Variants in SLC27A6 observed in about 807,000 individuals in gnomAD.
SLC27A6 encodes long-chain fatty acid transport protein 6.
In SLC27A6, 74 loss-of-function variants were observed where a neutral mutation model predicts 63.9. The ratio of observed to expected loss-of-function variants is 1.16; its 90% CI spans 0.96 to 1.40. SLC27A6 has a LOEUF of 1.40. Among genes scored for constraint, SLC27A6 ranks in the 40% most tolerant of loss-of-function variants. The probability of loss-of-function intolerance (pLI) is 0.00; values close to 1 mark genes in which losing one functional copy is unlikely to be tolerated. For missense variants in SLC27A6, 794 were observed against 732.9 expected, an observed-to-expected ratio of 1.08 and a Z score of -0.96; for synonymous variants, 287 against 260.8, an observed-to-expected ratio of 1.10 and a Z score of -0.97.
chr5:129,025,309 T>C (rs1752200292), intron 6 of SLC27A6, among the ~76,000 whole-genome samples: 1 of 152,008 alleles, frequency 6.6e-6, no homozygotes. Context: ...AAAGAAACTG[T>C]CACCTGTGTC....
In SLC27A6 at chr5:128,966,366, G is replaced by A; in HGVS notation, c.229G>A (p.Gly77Arg). The A allele has an allele frequency of 6.2e-7, 1 of 1,612,438 alleles. No individual in the cohort carries two copies. The highest frequency in any genetic ancestry group is 1.1e-5 in the South Asian group (1 of 90,880). ...TCGGAAACCTTTCATCATCTATGAG[G>A]GAGACATCTACACCTATCAGGATGT... ...QPRKPFIIYE[G>R]DIYTYQDVDK... is the part of the protein sequence containing the mutation. Residue 77 changes from glycine to arginine, a missense_variant, in exon 1 of 10, where the codon GGA (glycine) becomes AGA (arginine). Gly to Arg is a moderately radical substitution (Grantham distance 125). Coordinates refer to ENST00000262462, the MANE Select transcript of SLC27A6 (RefSeq NM_001017372.3).
In SLC27A6 at chr5:129,029,706, A is replaced by C. The variant is rs1416486505; in HGVS notation, c.1682A>C (p.Gln561Pro). 6.3e-7 allele frequency: 1 copy of C among 1,593,914 alleles called. No homozygotes were observed. Among genetic ancestry groups the C allele is most frequent in the African/African-American group, 1.4e-5 (1 of 73,476 alleles). Reference sequence around the variant, plus strand: ...GCTTGTCCACGATTTTTAAGAATTCAGGTAATTTTAGTGGCGGAGTTTACT... The same window carrying C: ...GCTTGTCCACGATTTTTAAGAATTCCGGTAATTTTAGTGGCGGAGTTTACT... ...AYACPRFLRI[Q>P]EKMEATGTFK... Residue 561 changes from glutamine to proline, a missense_variant and splice_region_variant, in exon 9 of 10, where the codon CAG becomes CCG. Physicochemically the swap from Gln to Pro is moderately conservative, Grantham distance 76. Transcript: ENST00000262462.
At chr5:128,992,908 T>C in intron 4 of SLC27A6, among the ~76,000 whole-genome samples, 1 of 152,210 alleles carries the variant, frequency 6.6e-6, no homozygotes, top group Non-Finnish European at 1.5e-5. Context: ...CATCCTTTAA[T>C]AGTGACATCA....
intron 4 of SLC27A6, among the ~76,000 whole-genome samples, chr5:129,002,898 G>T (rs1751389990): frequency 6.6e-6 from 1 of 152,180 alleles, no homozygotes; most frequent in Non-Finnish European, 1.5e-5. Flanking sequence ...GCCCACATGG[G>T]TTTTGCTGCT....
At chr5:129,006,254 C>T (rs925334514) in intron 4 of SLC27A6, among the ~76,000 whole-genome samples, 11 of 151,244 alleles carry the variant, frequency 7.3e-5, no homozygotes, top group African/African-American at 2.7e-4. Context: ...CCGTGCCCGC[C>T]TAATTTTTTG....
intron 5 of SLC27A6, among the ~76,000 whole-genome samples, chr5:129,016,352 C>T (rs891917614): frequency 5.8e-5 from 8 of 138,752 alleles, no homozygotes; most frequent in Admixed American, 4.0e-4. Flanking sequence ...GCAGAGATTG[C>T]GCCACTGTAC....
At chr5:129,007,928 TTGAA>T (rs796631623) in intron 4 of SLC27A6, among the ~76,000 whole-genome samples, 6 of 152,116 alleles carry the variant, frequency 3.9e-5, no homozygotes, top group Non-Finnish European at 4.4e-5. Flanking sequence ...CATCATATAT[TTGAA>T]TGATAACAAT....
intron 4 of SLC27A6, among the ~76,000 whole-genome samples, chr5:129,003,536 C>T (rs953449748): frequency 1.4e-4 from 22 of 152,142 alleles, no homozygotes; most frequent in African/African-American, 5.1e-4. Flanking sequence ...GAAGAGTCAG[C>T]TATGAAAGCC....
At chr5:128,998,401 TTAGAG>T (rs1279261848) in intron 4 of SLC27A6, among the ~76,000 whole-genome samples, 20 of 152,264 alleles carry the variant, frequency 1.3e-4, no homozygotes, top group African/African-American at 4.8e-4. Flanking sequence ...ATTTATAAAA[TTAGAG>T]TAATTTTGTA....
Position 129,027,131 on chromosome 5 carries a change from A to T in SLC27A6, c.1256-2A>T. 1.2e-6 allele frequency: 2 copies of T among 1,612,776 alleles called. No homozygotes were observed. The highest frequency in any genetic ancestry group is 1.7e-6 in the Non-Finnish European group (2 of 1,179,100). ...CTGCAAAAATGTCGTTCTTTCTTGC[A>T]GGAGAACCTGGACTTCTCATTTCTC... On this transcript the variant is annotated splice_acceptor_variant, in intron 6 of 9. Transcript: ENST00000262462. LOFTEE classifies it high-confidence loss of function.
At chr5:128,989,361 A>T (rs1750896425) in intron 3 of SLC27A6, among the ~76,000 whole-genome samples, 1 of 152,210 alleles carries the variant, frequency 6.6e-6, no homozygotes, top group South Asian at 2.1e-4. Flanking sequence ...ATTCATAAAC[A>T]TGCAAGATTA....
intron 6 of SLC27A6, 21 bp from the exon 7 acceptor site, chr5:129,027,112 A>C: frequency 6.2e-7 from 1 of 1,603,608 alleles, no homozygotes; most frequent in South Asian, 1.1e-5. Flanking sequence ...ATGGCTGCAA[A>C]AATGTCGTTC....
chr5:128,979,242 A>AGTGAGTT (rs1328770424), intron 1 of SLC27A6, among the ~76,000 whole-genome samples: 1 of 148,168 alleles, frequency 6.7e-6, no homozygotes, highest in Non-Finnish European at 1.5e-5. Flanking sequence ...ACACAACCTT[A>AGTGAGTT]GTGAGTTGGC....
rs887853236 is a variant in SLC27A6, at chr5:128,981,923, C to A, written c.482-3210C>A. 2.0e-5 allele frequency among the ~76,000 whole-genome samples: 3 copies of A among 151,950 alleles called. No individual in the cohort carries two copies. In the East Asian group the frequency reaches 5.8e-4, roughly 30 times the overall value. On this transcript the variant is annotated intron_variant, in intron 1 of 9. Coordinates refer to ENST00000262462, the MANE Select transcript of SLC27A6 (RefSeq NM_001017372.3). ...CCGCCTCCCAGGCTCAAGCGATTCACCTGCCTCAGTCTCCTGAGTAGCTGG... is the reference window on the plus strand; with the variant it reads ...CCGCCTCCCAGGCTCAAGCGATTCAACTGCCTCAGTCTCCTGAGTAGCTGG...
At chr5:128,980,778 G>A (rs1045951908) in intron 1 of SLC27A6, among the ~76,000 whole-genome samples, 2 of 152,150 alleles carry the variant, frequency 1.3e-5, no homozygotes, top group Non-Finnish European at 2.9e-5. Context: ...TTTAAAAGTT[G>A]AAATGCTTAC....
intron 1 of SLC27A6, among the ~76,000 whole-genome samples, chr5:128,969,430 T>A (rs921233040): frequency 1.1e-4 from 16 of 152,180 alleles, no homozygotes; most frequent in Admixed American, 5.9e-4. Context: ...TGTGTCCTCT[T>A]TTTATTTCGT....
At chr5:129,005,402 C>G (rs1438298127) in intron 4 of SLC27A6, among the ~76,000 whole-genome samples, 1 of 152,112 alleles carries the variant, frequency 6.6e-6, no homozygotes, top group African/African-American at 2.4e-5. Flanking sequence ...CCAGACGATG[C>G]TTAACTTGTT....
At chr5:129,003,845 G>A (rs1192010414) in intron 4 of SLC27A6, among the ~76,000 whole-genome samples, 1 of 151,726 alleles carries the variant, frequency 6.6e-6, no homozygotes, top group Non-Finnish European at 1.5e-5. Flanking sequence ...GTGCATGCCT[G>A]TAGTCTCAGC....
chr5:128,977,439 A>G (rs1294099094), intron 1 of SLC27A6, among the ~76,000 whole-genome samples: 3 of 152,088 alleles, frequency 2.0e-5, no homozygotes, highest in African/African-American at 4.8e-5. Context: ...AAGTAGATGG[A>G]TAGAGAAAAG....
Sources: gnomAD v4.1 joint callset for allele counts (sites outside exome capture counted in the v4.1 genomes callset) on GRCh38, gnomAD v4.1.1 for gene constraint, MANE v1.5 for transcripts, NCBI Gene and HGNC (gene_info 2026-07-23, HGNC 2026-07-21) for gene names.